FAM13C: variants seen among roughly 807,000 people sequenced by gnomAD.
The protein encoded by FAM13C is protein FAM13C.
Under a neutral mutation model 73.2 loss-of-function variants are expected in FAM13C, and 37 were observed. That is an observed-to-expected ratio of 0.51 (90% CI 0.39 to 0.67). The LOEUF is 0.67. FAM13C is among the 30% of genes least tolerant of loss of function. The pLI, the probability that FAM13C is intolerant of heterozygous loss-of-function variation, is 0.00. For missense variants in FAM13C, 589 were observed against 715.6 expected (o/e 0.82, Z 2.02); for synonymous variants, 246 against 260.9 (o/e 0.94, Z 0.55).
chr10:59,283,350 C>T lies in FAM13C; in HGVS notation c.592+13G>A, dbSNP rs751436362. ...GAGTACAATTTGGGACAACCCCCAG[C>T]CCTGTATCTTACCTGCAGAATCTGT... On this transcript the variant is annotated intron_variant, in intron 6 of 13. Coordinates refer to ENST00000618804, the MANE Select transcript of FAM13C (RefSeq NM_198215.4). The T allele has an allele frequency of 2.5e-6, 4 of 1,613,712 alleles. No homozygotes were observed. Among genetic ancestry groups the T allele is most frequent in the Non-Finnish European group, 3.4e-6 (4 of 1,179,872 alleles).
chr10:59,279,704 G>A (rs925852044), intron 6 of FAM13C, among the ~76,000 whole-genome samples: 5 of 152,184 alleles, frequency 3.3e-5, no homozygotes, highest in African/African-American at 1.2e-4. Flanking sequence ...ATCAGAATAG[G>A]TGCTTACTAA....
chr10:59,360,555 G>A (rs895821637), intron 1 of FAM13C, among the ~76,000 whole-genome samples: 1 of 152,100 alleles, frequency 6.6e-6, no homozygotes, highest in Non-Finnish European at 1.5e-5. Flanking sequence ...AGAGAAGCAC[G>A]GGATATGGGT....
At position 59,327,489 on chromosome 10, in the gene FAM13C, T is replaced by C. The variant is rs1183572646; in HGVS notation, c.325-3383A>G. The C allele has an allele frequency of 2.0e-5, 3 of 152,078 alleles. No homozygotes were observed. In the East Asian group the frequency reaches 5.8e-4, roughly 29 times the overall value. 9.4% of individuals were successfully genotyped at this position (152,078 alleles called of 1,614,324 possible). On this transcript the variant is annotated intron_variant, in intron 3 of 13. Coordinates refer to ENST00000618804, the MANE Select transcript of FAM13C (RefSeq NM_198215.4). The stretch of plus-strand genomic sequence containing the variant: ...TTGGACTCCACCACCTGGTGAAGGT[T>C]AACTAGGGCTGCCAAAGAAAGTCCT...
Position 59,342,330 on chromosome 10 carries a change from C to T in FAM13C, c.324+9940G>A, listed in dbSNP as rs570666017. On this transcript the variant is annotated intron_variant, in intron 3 of 13. Coordinates refer to ENST00000618804, the MANE Select transcript of FAM13C (RefSeq NM_198215.4). ...AGACTTAGTCTGCTAACTTCCTTTC[C>T]ACTCAAACTTTACCCTTTAAAGTTT... Among the ~76,000 whole-genome samples, 7 of 141,032 alleles carry T rather than the reference C, an allele frequency of 5.0e-5. No individual in the cohort carries two copies. In the Admixed American group the frequency reaches 5.2e-4, roughly 11 times the overall value. 92.5% of individuals were successfully genotyped at this position (141,032 alleles called of 152,430 possible).
At chr10:59,336,549 T>TGA in intron 3 of FAM13C, among the ~76,000 whole-genome samples, 1 of 152,310 alleles carries the variant, frequency 6.6e-6, no homozygotes, top group South Asian at 2.1e-4. Flanking sequence ...TGTGTACTTC[T>TGA]GACTGGTATC....
intron 5 of FAM13C, among the ~76,000 whole-genome samples, chr10:59,302,043 T>C (rs1459093422): frequency 6.6e-6 from 1 of 152,130 alleles, no homozygotes; most frequent in African/African-American, 2.4e-5. Context: ...CCCCATCATT[T>C]CTCTTTTTGG....
At chr10:59,327,576 A>C (rs1851348732) in intron 3 of FAM13C, 2 of 60,716 alleles carry the variant, frequency 3.3e-5, no homozygotes, top group African/African-American at 1.2e-4. Flanking sequence ...CCCCCCCACC[A>C]AAAAAGGTGA....
chr10:59,275,147 A>G lies in FAM13C; in HGVS notation c.593-5038T>C, dbSNP rs1474952487. Reference sequence around the variant, plus strand: ...GGGGAGAATATTTGGGGAACATTGAATATACAAAGCAAACAGAAAGACCAC... The same window carrying G: ...GGGGAGAATATTTGGGGAACATTGAGTATACAAAGCAAACAGAAAGACCAC... On this transcript the variant is annotated intron_variant, in intron 6 of 13. Transcript: ENST00000618804. Among the ~76,000 whole-genome samples the G allele has an allele frequency of 2.0e-5, 3 of 152,202 alleles. No homozygotes were observed. The East Asian group carries it at 5.8e-4, about 29-fold the overall frequency.
At chr10:59,268,457 G>C in intron 8 of FAM13C, 96 bp downstream of exon 8, 1 of 1,528,492 alleles carries the variant, frequency 6.5e-7, no homozygotes, top group Non-Finnish European at 8.9e-7. Flanking sequence ...GCTGTCCCCT[G>C]GCAAAGAAGG....
chr10:59,268,827 G>T, intron 7 of FAM13C, 136 bp from the exon 8 acceptor site: 1 of 993,196 alleles, frequency 1.0e-6, no homozygotes, highest in Non-Finnish European at 1.4e-6. Flanking sequence ...AGGCCACCAT[G>T]GTAGCATCTG....
chr10:59,307,329 G>T (rs1324653266), intron 4 of FAM13C, among the ~76,000 whole-genome samples: 1 of 152,124 alleles, frequency 6.6e-6, no homozygotes, highest in East Asian at 1.9e-4. Flanking sequence ...GCTAGGCAAC[G>T]TACCTAGAAG....
At chr10:59,360,074 A>C (rs1439368561) in intron 1 of FAM13C, among the ~76,000 whole-genome samples, 1 of 152,218 alleles carries the variant, frequency 6.6e-6, no homozygotes, top group Non-Finnish European at 1.5e-5. Context: ...GGCTGGGAAA[A>C]ACCAAGAAGA....
chr10:59,251,540 G>T, intron 13 of FAM13C, 35 bp downstream of exon 13: 1 of 1,562,268 alleles, frequency 6.4e-7, no homozygotes, highest in Non-Finnish European at 8.8e-7. Context: ...TCTCTAGGAA[G>T]TATTAGCTTT....
At chr10:59,310,731 C>A (rs1848823968) in intron 4 of FAM13C, among the ~76,000 whole-genome samples, 1 of 152,202 alleles carries the variant, frequency 6.6e-6, no homozygotes, top group Admixed American at 6.5e-5. Flanking sequence ...AAACAGAACA[C>A]TGATCCCCAA....
At chr10:59,317,796 A>T (rs540743052) in intron 4 of FAM13C, among the ~76,000 whole-genome samples, 4 of 151,964 alleles carry the variant, frequency 2.6e-5, no homozygotes, top group Admixed American at 1.3e-4. Flanking sequence ...CACAATGTGC[A>T]GGTTAGTTAC....
intron 13 of FAM13C, among the ~76,000 whole-genome samples, chr10:59,249,154 C>T (rs1841055308): frequency 6.6e-6 from 1 of 152,070 alleles, no homozygotes; most frequent in African/African-American, 2.4e-5. Context: ...CCTGTAATCC[C>T]AGCACTTTGA....
intron 5 of FAM13C, among the ~76,000 whole-genome samples, chr10:59,302,115 C>T (rs1589522436): frequency 6.6e-6 from 1 of 152,238 alleles, no homozygotes; most frequent in South Asian, 2.1e-4. Flanking sequence ...TACTAAATAC[C>T]ACCTACTACT....
chr10:59,283,611 A>G, intron 5 of FAM13C, 164 bp from the exon 6 acceptor site: 1 of 707,994 alleles, frequency 1.4e-6, no homozygotes, highest in Non-Finnish European at 2.5e-6. Flanking sequence ...GCCTGGCAGG[A>G]AGAGGGTGGT....
intron 12 of FAM13C, 114 bp from the exon 13 acceptor site, chr10:59,251,790 C>G (rs1017032362): frequency 2.5e-5 from 19 of 767,148 alleles, no homozygotes; most frequent in South Asian, 1.1e-4. Context: ...GTGTTCCCAT[C>G]ATAAGAGTAT....
Sources: gnomAD v4.1 joint callset for allele counts (sites outside exome capture counted in the v4.1 genomes callset) on GRCh38, gnomAD v4.1.1 for gene constraint, MANE v1.5 for transcripts, NCBI Gene and HGNC (gene_info 2026-07-23, HGNC 2026-07-21) for gene names.